ARG2: variants seen among roughly 807,000 people sequenced by gnomAD.
The protein encoded by ARG2 is arginase 2.
A neutral mutation model predicts 39.4 loss-of-function variants in ARG2; 21 were observed. The ratio of observed to expected loss-of-function variants is 0.53; its 90% CI spans 0.38 to 0.77. The LOEUF (loss-of-function observed/expected upper bound fraction) is 0.77, where lower values mean the gene tolerates loss of function less well. Among genes scored for constraint, ARG2 ranks in the 30% least tolerant of loss-of-function variants. The pLI is 0.00. For synonymous variants in ARG2, 150 were observed against 156.7 expected, an observed-to-expected ratio of 0.96 and a Z score of 0.32; for missense variants, 378 against 426.2, an observed-to-expected ratio of 0.89 and a Z score of 1.00.
intron 2 of ARG2, among the ~76,000 whole-genome samples, chr14:67,639,475 T>A (rs981159350): frequency 2.7e-4 from 41 of 152,296 alleles, no homozygotes; most frequent in African/African-American, 9.1e-4. Context: ...AGATTATAAA[T>A]CTTTTATAAT....
intron 2 of ARG2, among the ~76,000 whole-genome samples, chr14:67,637,075 A>T (rs2036979356): frequency 6.6e-6 from 1 of 152,154 alleles, no homozygotes; most frequent in African/African-American, 2.4e-5. Context: ...GTTTCTTATG[A>T]CCTATGAACC....
chr14:67,633,848 T>C (rs555959746), intron 2 of ARG2, among the ~76,000 whole-genome samples: 2 of 152,334 alleles, frequency 1.3e-5, no homozygotes, highest in East Asian at 3.9e-4. Context: ...CCTCCTCTCT[T>C]ATTCCTGGCT....
chr14:67,629,124 A>G (rs775031925), intron 2 of ARG2, among the ~76,000 whole-genome samples: 5 of 152,306 alleles, frequency 3.3e-5, no homozygotes, highest in Middle Eastern at 3.4e-3. Context: ...GCTTGAGTCC[A>G]GGAGTTTGAG....
chr14:67,640,616 A>C (rs1006616495), intron 2 of ARG2, among the ~76,000 whole-genome samples: 7 of 152,220 alleles, frequency 4.6e-5, no homozygotes, highest in Non-Finnish European at 8.8e-5. Flanking sequence ...CTCTGCAAAT[A>C]TTAAGATACG....
intron 2 of ARG2, among the ~76,000 whole-genome samples, chr14:67,640,257 G>A (rs1322643011): frequency 6.6e-6 from 1 of 152,092 alleles, no homozygotes; most frequent in Non-Finnish European, 1.5e-5. Context: ...TCTTCTCCAG[G>A]TTGGGGCCTT....
chr14:67,631,846 C>T lies in ARG2; in HGVS notation c.185-10340C>T, dbSNP rs115144707. ...GTCTGCTTCCATGGCTTTACTGTCA[C>T]CTGTATGCTGATGCCACCCAAAGCT... On this transcript the variant is annotated intron_variant, in intron 2 of 7. Coordinates refer to ENST00000261783, the MANE Select transcript of ARG2 (RefSeq NM_001172.4). Among the ~76,000 whole-genome samples the T allele has an allele frequency of 3.6e-3, 544 of 152,110 alleles. 5 individuals carry two copies. The highest frequency in any genetic ancestry group is 0.012 in the African/African-American group (510 of 41,474).
intron 2 of ARG2, among the ~76,000 whole-genome samples, chr14:67,632,934 C>A (rs2140737573): frequency 6.7e-6 from 1 of 149,660 alleles, no homozygotes; most frequent in African/African-American, 2.5e-5. Context: ...CATTCTCCTG[C>A]CTCAGCCTCC....
At chr14:67,628,090 G>A (rs1036578275) in intron 2 of ARG2, among the ~76,000 whole-genome samples, 8 of 152,176 alleles carry the variant, frequency 5.3e-5, no homozygotes, top group Non-Finnish European at 1.2e-4. Flanking sequence ...AGAGGAATAG[G>A]AGCTGAGGCA....
At chr14:67,637,370 C>T (rs557401360) in intron 2 of ARG2, among the ~76,000 whole-genome samples, 1 of 137,898 alleles carries the variant, frequency 7.3e-6, no homozygotes, top group African/African-American at 2.6e-5. Context: ...GAGATCATGC[C>T]ATTGCACTCC....
At chr14:67,639,320 C>T (rs937033825) in intron 2 of ARG2, among the ~76,000 whole-genome samples, 1 of 152,096 alleles carries the variant, frequency 6.6e-6, no homozygotes, top group African/African-American at 2.4e-5. Context: ...TTTAATTTCC[C>T]TGTATTTCTT....
chr14:67,631,430 CTTTCTTTTTT>C (rs1188285770), intron 2 of ARG2, among the ~76,000 whole-genome samples: 1 of 128,490 alleles, frequency 7.8e-6, no homozygotes, highest in Non-Finnish European at 1.6e-5. Flanking sequence ...TCCTTTCTTT[CTTTCTTTTTT>C]TTTTTTTTTT....
chr14:67,650,512 A>C (rs949245578), intron 7 of ARG2: 17 of 586,470 alleles, frequency 2.9e-5, no homozygotes, highest in Non-Finnish European at 3.0e-6. Flanking sequence ...GGTTTCTTTT[A>C]ATCTACTATA....
At chr14:67,626,991 A>G (rs1317328649) in intron 2 of ARG2, among the ~76,000 whole-genome samples, 1 of 152,142 alleles carries the variant, frequency 6.6e-6, no homozygotes, top group Non-Finnish European at 1.5e-5. Flanking sequence ...ATATGATTCC[A>G]TTTATATGAA....
chr14:67,650,462 T>C, intron 7 of ARG2: 2 of 491,658 alleles, frequency 4.1e-6, no homozygotes, highest in East Asian at 3.5e-5. Flanking sequence ...ATGCCTGTTA[T>C]GTTAGTTGAA....
intron 2 of ARG2, among the ~76,000 whole-genome samples, chr14:67,639,339 T>C (rs1208824916): frequency 2.0e-5 from 3 of 152,192 alleles, no homozygotes; most frequent in Non-Finnish European, 2.9e-5. Flanking sequence ...TTCTTGGTCC[T>C]ATGAGGATTG....
intron 2 of ARG2, 95 bp downstream of exon 2, chr14:67,621,061 T>C (rs1288391283): frequency 8.3e-7 from 1 of 1,208,992 alleles, no homozygotes; most frequent in African/African-American, 1.5e-5. Flanking sequence ...AGCTTTGTGT[T>C]TGGGAACAGT....
In ARG2 at chr14:67,650,895, A is replaced by G. The variant is rs959383754; in HGVS notation, c.1040A>G (p.Glu347Gly). Residue 347 changes from glutamate (E) to glycine (G), a missense_variant, in exon 8 of 8, where the codon GAA becomes GGA. Glu to Gly is a moderately conservative substitution (Grantham distance 98). Transcript: ENST00000261783. ...LPTPSSPDES[E>G]NQARVRI Reference sequence around the variant, plus strand: ...ACTCCCAGTTCACCAGATGAATCAGAAAATCAAGCACGTGTGAGAATTTAG... The same window carrying G: ...ACTCCCAGTTCACCAGATGAATCAGGAAATCAAGCACGTGTGAGAATTTAG... 1.2e-6 allele frequency: 2 copies of G among 1,613,996 alleles called. No individual in the cohort carries two copies. The highest frequency in any genetic ancestry group is 1.7e-6 in the Non-Finnish European group (2 of 1,179,988).
chr14:67,651,599 C>G lies in ARG2; in HGVS notation c.*679C>G. 2 of 1,141,152 alleles carry G rather than the reference C, an allele frequency of 1.8e-6. No individual in the cohort carries two copies. Among genetic ancestry groups the G allele is most frequent in the South Asian group, 1.6e-5 (1 of 63,458 alleles). The allele number at this position is 1,141,152 out of a possible 1,614,324, so 70.7% of individuals were successfully genotyped here. On this transcript the variant is annotated 3_prime_UTR_variant, in exon 8 of 8. Transcript: ENST00000261783. The stretch of plus-strand genomic sequence containing the variant: ...CTCTGAGGCTGTATGTTTGATCACA[C>G]AGCCACTTAGCAGGAAGTACTCATA...
Position 67,648,051 on chromosome 14 carries a change from C to A in ARG2, c.727C>A (p.Gln243Lys), listed in dbSNP as rs778789921. 104 of 1,610,020 alleles carry A rather than the reference C, an allele frequency of 6.5e-5. No homozygotes were observed. The highest frequency in any genetic ancestry group is 8.8e-5 in the Non-Finnish European group (104 of 1,177,836). ...RTFDLLIGKR[Q>K]RPIHLSFDID... ...TTTTATCCTCTTCCTTTTTAGGAGA[C>A]AAAGACCAATCCATTTGAGTTTTGA... The change falls in exon 7 of 8, where the codon CAA becomes AAA. Residue 243 changes from glutamine (Q) to lysine (K), a missense_variant. By Grantham distance (53) the Gln-to-Lys change is moderately conservative. Transcript: ENST00000261783.
Sources: gnomAD v4.1 joint callset for allele counts (sites outside exome capture counted in the v4.1 genomes callset) on GRCh38, gnomAD v4.1.1 for gene constraint, MANE v1.5 for transcripts, NCBI Gene and HGNC (gene_info 2026-07-23, HGNC 2026-07-21) for gene names.